LDAH: variants seen among roughly 807,000 people sequenced by gnomAD.
The protein encoded by LDAH is lipid droplet-associated hydrolase.
A neutral mutation model predicts 29.6 loss-of-function variants in LDAH; 26 were observed. That is an observed-to-expected ratio of 0.88 (90% CI 0.64 to 1.22). LDAH has a LOEUF of 1.22. Among genes scored for constraint, LDAH ranks in the 50% most tolerant of loss-of-function variants. LDAH has a pLI of 0.00. For synonymous variants in LDAH, 117 were observed against 133.0 expected (o/e 0.88, Z 0.83); for missense variants, 344 against 387.3 (o/e 0.89, Z 0.94).
intron 6 of LDAH, among the ~76,000 whole-genome samples, chr2:20,699,258 C>T (rs966906944): frequency 2.0e-5 from 3 of 152,052 alleles, no homozygotes; most frequent in Non-Finnish European, 2.9e-5. Flanking sequence ...AGAGTATCCT[C>T]GATTAAGATA....
rs991803727 is a variant in LDAH at position 20,685,693 on chromosome 2, A to G, written c.*1210T>C. Reference sequence around the variant, plus strand: ...AAGGAATATTTCTGATCCATGATCAACTGTCACTGCAGTATGTGGTTCTCA... The same window carrying G: ...AAGGAATATTTCTGATCCATGATCAGCTGTCACTGCAGTATGTGGTTCTCA... On this transcript the variant is annotated 3_prime_UTR_variant, in exon 7 of 7. Coordinates refer to ENST00000237822, the MANE Select transcript of LDAH (RefSeq NM_021925.4). 1.5e-5 allele frequency: 23 copies of G among 1,542,018 alleles called. No individual in the cohort carries two copies. The highest frequency in any genetic ancestry group is 2.4e-5 in the East Asian group (1 of 40,854).
intron 1 of LDAH, among the ~76,000 whole-genome samples, chr2:20,819,255 G>A (rs1033837057): frequency 2.0e-5 from 3 of 151,784 alleles, no homozygotes; most frequent in African/African-American, 7.3e-5. Flanking sequence ...TTCAGCTTCT[G>A]GACATCAATT....
intron 3 of LDAH, chr2:20,789,078 CTT>C (rs1670755477): frequency 2.6e-6 from 4 of 1,524,848 alleles, no homozygotes; most frequent in Non-Finnish European, 3.6e-6. Flanking sequence ...CTGTGCTACT[CTT>C]TCTGTCTGTT....
chr2:20,710,731 TATATATTATACAC>T (rs1664691111), intron 5 of LDAH, among the ~76,000 whole-genome samples: 1 of 147,968 alleles, frequency 6.8e-6, no homozygotes, highest in African/African-American at 2.5e-5. Context: ...TATATATACA[TATATATTATACAC>T]ATATACATAT....
rs771417462 is a variant in LDAH at position 20,740,154 on chromosome 2, G to A, written c.520C>T (p.Pro174Ser). Reference sequence around the variant, plus strand: ...AGTGGAGTGGCAATTCTGCCATTGGGTGACTCAGACATTCGTTCAATTGTT... The same window carrying A: ...AGTGGAGTGGCAATTCTGCCATTGGATGACTCAGACATTCGTTCAATTGTT... ...FPTIERMSES[P>S]NGRIATPLLC... is the part of the protein sequence containing the mutation. The change falls in exon 5 of 7, where the codon CCC becomes TCC. Residue 174 changes from proline to serine, a missense_variant. Pro to Ser is a moderately conservative substitution (Grantham distance 74, BLOSUM62 -1). Coordinates refer to ENST00000237822, the MANE Select transcript of LDAH (RefSeq NM_021925.4). The A allele has an allele frequency of 1.9e-6, 3 of 1,614,012 alleles. No individual in the cohort carries two copies. The African/African-American group carries it at 4.0e-5, about 22-fold the overall frequency.
chr2:20,710,596 G>GTGTGTGTGTA lies in LDAH; in HGVS notation c.704-8945_704-8944insTACACACACA, dbSNP rs1664648652. Among the ~76,000 whole-genome samples the GTGTGTGTGTA allele has an allele frequency of 2.3e-5, 3 of 131,546 alleles. No individual in the cohort carries two copies. In the South Asian group the frequency reaches 7.6e-4, roughly 34 times the overall value. 86.3% of individuals were successfully genotyped at this position (131,546 alleles called of 152,430 possible). A position where few individuals can be genotyped will look rare whatever the true frequency, so the allele number is the denominator to read the frequency against. ...TATATATATATAGGGGTGTGTGTGT[G>GTGTGTGTGTA]TGTGTGTGTGTATATATATATATAG... is the stretch of plus-strand genomic sequence containing the variant. On this transcript the variant is annotated intron_variant, in intron 5 of 6. Coordinates refer to ENST00000237822, the MANE Select transcript of LDAH (RefSeq NM_021925.4).
chr2:20,763,626 A>G (rs1406996822), intron 4 of LDAH, among the ~76,000 whole-genome samples: 4 of 152,244 alleles, frequency 2.6e-5, no homozygotes, highest in Admixed American at 2.6e-4. Flanking sequence ...TGGGCAGTAA[A>G]TATACAGCTT....
At position 20,773,475 on chromosome 2, in the gene LDAH, A is replaced by G. The variant is rs147191972; in HGVS notation, c.468+1335T>C. ...CTAGAGGAGACTTCGAAGGCACAAA[A>G]GAGATTAGAAGCTGTGCAAAATGCT... is the stretch of plus-strand genomic sequence containing the variant. On this transcript the variant is annotated intron_variant, in intron 4 of 6. Transcript: ENST00000237822. 8.4e-3 allele frequency among the ~76,000 whole-genome samples: 1,278 copies of G among 152,292 alleles called. 17 individuals carry two copies. The highest frequency in any genetic ancestry group is 0.027 in the African/African-American group (1,136 of 41,566).
chr2:20,714,369 C>T (rs1226000535), intron 5 of LDAH, among the ~76,000 whole-genome samples: 2 of 152,176 alleles, frequency 1.3e-5, no homozygotes, highest in African/African-American at 4.8e-5. Flanking sequence ...ATCTCTGGGA[C>T]ACATTTAAAG....
intron 1 of LDAH, among the ~76,000 whole-genome samples, chr2:20,818,011 T>C (rs1018653360): frequency 5.3e-5 from 8 of 152,164 alleles, no homozygotes; most frequent in East Asian, 3.9e-4. Context: ...GGGAGCCTTG[T>C]GGTGATGGAA....
At chr2:20,808,858 G>A (rs1672273343) in intron 1 of LDAH, among the ~76,000 whole-genome samples, 1 of 152,172 alleles carries the variant, frequency 6.6e-6, no homozygotes, top group African/African-American at 2.4e-5. Context: ...TCATGCAGAG[G>A]AGTAAGGAAA....
At chr2:20,784,885 TCAAAAAAAA>T (rs1472080791) in intron 3 of LDAH, among the ~76,000 whole-genome samples, 2 of 151,530 alleles carry the variant, frequency 1.3e-5, no homozygotes, top group African/African-American at 2.4e-5. Flanking sequence ...AGACCCTGTC[TCAAAAAAAA>T]CAAAAAAAAC....
At chr2:20,708,480 A>C (rs543112513) in intron 5 of LDAH, among the ~76,000 whole-genome samples, 1 of 152,260 alleles carries the variant, frequency 6.6e-6, no homozygotes, top group African/African-American at 2.4e-5. Flanking sequence ...AATGTAAGCT[A>C]TCCAATAAAA....
chr2:20,813,516 T>C (rs1378040147), intron 1 of LDAH, among the ~76,000 whole-genome samples: 1 of 152,158 alleles, frequency 6.6e-6, no homozygotes, highest in Non-Finnish European at 1.5e-5. Flanking sequence ...TAGTTCCCAG[T>C]TTTTTCAGAA....
chr2:20,701,674 TCAAA>T, intron 5 of LDAH, 22 bp from the exon 6 acceptor site: 2 of 1,584,306 alleles, frequency 1.3e-6, no homozygotes, highest in Non-Finnish European at 1.7e-6. Context: ...AAATAAAAAG[TCAAA>T]CATTTAGAAT....
At chr2:20,821,179 T>C (rs914050102) in intron 1 of LDAH, among the ~76,000 whole-genome samples, 44 of 152,224 alleles carry the variant, frequency 2.9e-4, no homozygotes, top group African/African-American at 1.0e-3. Context: ...GACTGTAAAC[T>C]AGCTCAACCA....
rs761100466 is a variant in LDAH at position 20,790,441 on chromosome 2, A to G, written c.155-43T>C. The G allele has an allele frequency of 5.1e-6, 8 of 1,570,464 alleles. No individual in the cohort carries two copies. The East Asian group carries it at 1.6e-4, about 31-fold the overall frequency. On this transcript the variant is annotated intron_variant, in intron 2 of 6. Coordinates refer to ENST00000237822, the MANE Select transcript of LDAH (RefSeq NM_021925.4). ...GACCTTAGATTAATCAAAGTAATAA[A>G]CAGGCATAAGATGACACGCAGGCTA...
At chr2:20,808,429 C>A (rs1057312375) in intron 1 of LDAH, among the ~76,000 whole-genome samples, 1 of 151,882 alleles carries the variant, frequency 6.6e-6, no homozygotes, top group Non-Finnish European at 1.5e-5. Flanking sequence ...TTTGGGAGGC[C>A]GAGGCGGGCG....
intron 1 of LDAH, among the ~76,000 whole-genome samples, chr2:20,820,368 T>C (rs1237195658): frequency 6.6e-6 from 1 of 152,222 alleles, no homozygotes; most frequent in Non-Finnish European, 1.5e-5. Flanking sequence ...CAAACTATAC[T>C]ACAAGGCTAC....
Sources: gnomAD v4.1 joint callset for allele counts (sites outside exome capture counted in the v4.1 genomes callset) on GRCh38, gnomAD v4.1.1 for gene constraint, MANE v1.5 for transcripts, NCBI Gene and HGNC (gene_info 2026-07-23, HGNC 2026-07-21) for gene names.